The following COLEC10 variants were observed in gnomAD, a reference collection of about 807,000 sequenced individuals.
The protein encoded by COLEC10 is collectin subfamily member 10.
COLEC10 carries 22 observed loss-of-function variants against 28.4 expected under a neutral mutation model. The observed-to-expected ratio is 0.78, with a 90% CI of 0.55 to 1.11. The LOEUF is 1.11. Among genes scored for constraint, COLEC10 ranks in the 50% least tolerant of loss-of-function variants. The probability of loss-of-function intolerance (pLI) is 0.00; values close to 1 mark genes in which losing one functional copy is unlikely to be tolerated. For synonymous variants in COLEC10, 125 were observed against 116.1 expected (o/e 1.08, Z -0.49); for missense variants, 361 against 344.1 (o/e 1.05, Z -0.39).
chr8:119,031,868 A>T (rs1464003002), intron 2 of COLEC10, among the ~76,000 whole-genome samples: 2 of 151,314 alleles, frequency 1.3e-5, no homozygotes, highest in African/African-American at 4.9e-5. Flanking sequence ...CACATCTTAA[A>T]GAATGAGACC....
At chr8:119,003,106 T>G (rs1813729873) in intron 1 of COLEC10, among the ~76,000 whole-genome samples, 1 of 151,268 alleles carries the variant, frequency 6.6e-6, no homozygotes, top group Non-Finnish European at 1.5e-5. Context: ...TGGGTAAATA[T>G]TTAGGAGAAA....
At chr8:118,966,857 C>G in the COLEC10 span, among the ~76,000 whole-genome samples, 2 of 152,062 alleles carry the variant, frequency 1.3e-5, no homozygotes, top group Non-Finnish European at 2.9e-5. Context: ...GGCTGGCTTA[C>G]GTTTAAGCCT....
intron 2 of COLEC10, among the ~76,000 whole-genome samples, chr8:119,010,122 T>C (rs1420728645): frequency 6.6e-6 from 1 of 150,844 alleles, no homozygotes; most frequent in Non-Finnish European, 1.5e-5. Context: ...CACAGTATCA[T>C]GCAGAATAGT....
At chr8:118,990,876 T>C (rs576370952), upstream of COLEC10, among the ~76,000 whole-genome samples, 1 of 151,794 alleles carries the variant, frequency 6.6e-6, no homozygotes, top group Non-Finnish European at 1.5e-5. Context: ...TTAAAAGTCA[T>C]CCTTGGAAAG....
At chr8:119,079,713 G>T (rs1429712012) in intron 1 of COLEC10, among the ~76,000 whole-genome samples, 1 of 142,286 alleles carries the variant, frequency 7.0e-6, no homozygotes, top group Non-Finnish European at 1.5e-5. Flanking sequence ...GACAAAAAAA[G>T]ATACTTTGTA....
chr8:118,986,933 G>A, the COLEC10 span, among the ~76,000 whole-genome samples: 1 of 152,098 alleles, frequency 6.6e-6, no homozygotes, highest in South Asian at 2.1e-4. Context: ...ATTTCTTTTA[G>A]GGTGTTGAAA....
intron 2 of COLEC10, among the ~76,000 whole-genome samples, chr8:119,090,404 T>G (rs1259413348): frequency 6.6e-6 from 1 of 152,216 alleles, no homozygotes; most frequent in South Asian, 2.1e-4. Context: ...AAATATTTCT[T>G]GCCAACTGCT....
intron 2 of COLEC10, 44 bp from the exon 3 acceptor site, chr8:119,091,105 A>G (rs1211582289): frequency 7.4e-6 from 11 of 1,482,846 alleles, no homozygotes; most frequent in Non-Finnish European, 1.0e-5. Context: ...ATTTCAAGGG[A>G]AGATAAAACC....
upstream of COLEC10, among the ~76,000 whole-genome samples, chr8:118,994,578 G>C (rs73323412): frequency 6.6e-6 from 1 of 152,148 alleles, no homozygotes; most frequent in Non-Finnish European, 1.5e-5. Flanking sequence ...AAGTCGGCCA[G>C]AGGTTATATC....
At chr8:118,989,429 A>G in the COLEC10 span, among the ~76,000 whole-genome samples, 1 of 152,068 alleles carries the variant, frequency 6.6e-6, no homozygotes, top group Non-Finnish European at 1.5e-5. Context: ...AAATACTTGC[A>G]AAAACCATGC....
chr8:119,016,356 C>T (rs943076917), intron 2 of COLEC10, among the ~76,000 whole-genome samples: 1 of 152,158 alleles, frequency 6.6e-6, no homozygotes, highest in Non-Finnish European at 1.5e-5. Flanking sequence ...AGGACATGAA[C>T]TCATCCTTTT....
At chr8:118,955,154 ACAG>A in the COLEC10 span, among the ~76,000 whole-genome samples, 1 of 152,226 alleles carries the variant, frequency 6.6e-6, no homozygotes, top group African/African-American at 2.4e-5. Context: ...GAGGAGAAAA[ACAG>A]CAGATAGCCC....
intron 1 of COLEC10, among the ~76,000 whole-genome samples, chr8:119,084,060 T>C (rs1442897244): frequency 6.6e-6 from 1 of 152,200 alleles, no homozygotes; most frequent in Non-Finnish European, 1.5e-5. Flanking sequence ...GCTTTTTATG[T>C]TTTTATTAAA....
intron 4 of COLEC10, among the ~76,000 whole-genome samples, chr8:119,103,189 A>T (rs1252367130): frequency 6.6e-6 from 1 of 152,212 alleles, no homozygotes; most frequent in African/African-American, 2.4e-5. Flanking sequence ...AAGTTAGGTG[A>T]GCAAAGAAGA....
intron 2 of COLEC10, among the ~76,000 whole-genome samples, chr8:119,046,116 T>C (rs76078803): frequency 0.04 from 6,117 of 152,278 alleles, 174 homozygotes; most frequent in East Asian, 0.16. Flanking sequence ...GATTACCTAA[T>C]TATAGGAGGC....
At chr8:119,016,620 G>C (rs536757860) in intron 2 of COLEC10, among the ~76,000 whole-genome samples, 1 of 151,824 alleles carries the variant, frequency 6.6e-6, no homozygotes, top group Non-Finnish European at 1.5e-5. Context: ...CACAATCGTT[G>C]AACTAATACA....
chr8:119,042,133 G>A (rs906798297), intron 2 of COLEC10, among the ~76,000 whole-genome samples: 3 of 151,584 alleles, frequency 2.0e-5, no homozygotes, highest in African/African-American at 7.3e-5. Context: ...GAGAAGCTGG[G>A]ATTACAGGAA....
At chr8:118,966,654 C>G in the COLEC10 span, among the ~76,000 whole-genome samples, 1 of 151,132 alleles carries the variant, frequency 6.6e-6, no homozygotes, top group Non-Finnish European at 1.5e-5. Flanking sequence ...TCCCACTGCT[C>G]TTTCTTGGAT....
chr8:118,990,414 T>G, the COLEC10 span, among the ~76,000 whole-genome samples: 2 of 152,114 alleles, frequency 1.3e-5, no homozygotes, highest in African/African-American at 4.8e-5. Flanking sequence ...GAAAGTGACT[T>G]CTAAAAACTA....
Sources: allele counts gnomAD v4.1 joint callset (sites outside exome capture counted in the v4.1 genomes callset), GRCh38; gene constraint gnomAD v4.1.1; transcripts MANE v1.5; gene names NCBI Gene and HGNC (gene_info 2026-07-23, HGNC 2026-07-21).